PRPS2: variants seen among roughly 807,000 people sequenced by gnomAD.
PRPS2 encodes phosphoribosyl pyrophosphate synthetase 2.
For missense variants in PRPS2, 104 were observed against 271.5 expected (o/e 0.38, Z 4.34); for synonymous variants, 111 against 115.3 (o/e 0.96, Z 0.24).
intron 2 of PRPS2, among the ~76,000 whole-genome samples, chrX:12,802,432 C>T (rs1038164553): frequency 8.9e-6 from 1 of 112,085 alleles, no homozygotes; most frequent in Non-Finnish European, 1.9e-5. Context: ...CAACCTCTGC[C>T]TCCCAGGTTT....
At chrX:12,802,417 C>G (rs1332633726) in intron 2 of PRPS2, among the ~76,000 whole-genome samples, 2 of 112,089 alleles carry the variant, frequency 1.8e-5, no homozygotes, top group Non-Finnish European at 3.8e-5. Flanking sequence ...CGTCTCAGCT[C>G]ACTGCAACCT....
rs5978578 is a variant in PRPS2, at chrX:12,793,184, G to A, written c.122+1565G>A. ...GAATAGTTTTTGTTCAGAAGGTGTC[G>A]TCATATAAGTAAAGGAGAAATTTGT... is the stretch of plus-strand genomic sequence containing the variant. On this transcript the variant is annotated intron_variant, in intron 1 of 6. Coordinates refer to ENST00000380668, the MANE Select transcript of PRPS2 (RefSeq NM_002765.5). Among the ~76,000 whole-genome samples, 1,015 of 112,499 alleles carry A rather than the reference G, an allele frequency of 9.0e-3. 9 individuals carry two copies. The highest frequency in any genetic ancestry group is 0.031 in the African/African-American group (966 of 30,981).
chrX:12,803,732 G>A (rs2042580714), intron 2 of PRPS2, among the ~76,000 whole-genome samples: 1 of 112,378 alleles, frequency 8.9e-6, no homozygotes, highest in African/African-American at 3.2e-5. Context: ...CAGGTTCCAA[G>A]GATTGGGCTC....
chrX:12,822,566 G>A, intron 6 of PRPS2, 138 bp from the exon 7 acceptor site: 1 of 567,561 alleles, frequency 1.8e-6, no homozygotes, highest in Non-Finnish European at 3.0e-6. Context: ...CCTCTCAAAA[G>A]TGTCGGAAGT....
intron 1 of PRPS2, among the ~76,000 whole-genome samples, chrX:12,794,964 C>T (rs541426553): frequency 1.5e-4 from 17 of 111,976 alleles, no homozygotes; most frequent in African/African-American, 5.5e-4. Context: ...CTGTAAGTTA[C>T]GGTAATGTCT....
At chrX:12,819,366 G>A (rs958414548) in intron 4 of PRPS2, 141 bp from the exon 5 acceptor site, 3 of 672,676 alleles carry the variant, frequency 4.5e-6, no homozygotes, top group Admixed American at 3.4e-5. Flanking sequence ...GCCTGCCCCA[G>A]ACCATGCCTG....
At chrX:12,816,355 G>A (rs915019219) in intron 4 of PRPS2, among the ~76,000 whole-genome samples, 3 of 111,303 alleles carry the variant, frequency 2.7e-5, no homozygotes, top group Non-Finnish European at 5.7e-5. Flanking sequence ...AGGCTGGAGT[G>A]TAGTGGCGCG....
At chrX:12,801,945 A>G (rs2042572670) in intron 2 of PRPS2, among the ~76,000 whole-genome samples, 1 of 112,197 alleles carries the variant, frequency 8.9e-6, no homozygotes. Context: ...TTCACTCACA[A>G]TAGATTTTAT....
chrX:12,809,711 T>C (rs2042613362), intron 3 of PRPS2, among the ~76,000 whole-genome samples: 1 of 112,455 alleles, frequency 8.9e-6, no homozygotes, highest in African/African-American at 3.2e-5. Flanking sequence ...ATTTGATTTA[T>C]AATAACTACT....
chrX:12,821,706 A>G (rs1467710296), intron 6 of PRPS2, among the ~76,000 whole-genome samples: 1 of 112,300 alleles, frequency 8.9e-6, no homozygotes, highest in Non-Finnish European at 1.9e-5. Context: ...AGATAGATAC[A>G]TACACACTCA....
At position 12,806,068 on chromosome X, in the gene PRPS2, A is replaced by G. The variant is rs1175847024; in HGVS notation, c.307-3166A>G. Among the ~76,000 whole-genome samples the G allele has an allele frequency of 1.5e-3, 155 of 102,058 alleles. 1 individual carries two copies. The highest frequency in any genetic ancestry group is 5.1e-3 in the Middle Eastern group (1 of 198). 88.6% of individuals were successfully genotyped at this position (102,058 alleles called of 115,157 possible). A position where few individuals can be genotyped will look rare whatever the true frequency, so the allele number is the denominator to read the frequency against. ...ACTCCAGCCTGGGTGACAGAGCGGG[A>G]CTCCGTCTCAAAAGGAAAAAAAAAA... On this transcript the variant is annotated intron_variant, in intron 2 of 6. Transcript: ENST00000380668.
At chrX:12,818,984 T>C (rs1176467957) in intron 4 of PRPS2, among the ~76,000 whole-genome samples, 2 of 111,672 alleles carry the variant, frequency 1.8e-5, no homozygotes, top group Non-Finnish European at 3.8e-5. Flanking sequence ...CACGATGCCA[T>C]GCCTGGCACC....
intron 2 of PRPS2, among the ~76,000 whole-genome samples, chrX:12,807,906 C>T (rs1319437524): frequency 1.1e-5 from 1 of 90,480 alleles, no homozygotes; most frequent in Admixed American, 1.4e-4. Flanking sequence ...CTCGCTCTGT[C>T]GCCCAGGCTG....
chrX:12,822,213 G>A (rs890777013), intron 6 of PRPS2, among the ~76,000 whole-genome samples: 5 of 111,542 alleles, frequency 4.5e-5, no homozygotes, highest in African/African-American at 1.6e-4. Flanking sequence ...CTGCTTTCAC[G>A]CTACAATGGG....
intron 2 of PRPS2, among the ~76,000 whole-genome samples, chrX:12,809,009 T>C (rs182589348): frequency 8.9e-6 from 1 of 112,653 alleles, no homozygotes; most frequent in African/African-American, 3.2e-5. Flanking sequence ...ATTTGTTCTC[T>C]ATACCCAGCG....
At chrX:12,809,427 A>G in intron 3 of PRPS2, 95 bp downstream of exon 3, 1 of 866,702 alleles carries the variant, frequency 1.2e-6, no homozygotes, top group East Asian at 3.3e-5. Flanking sequence ...ATATATGGCT[A>G]CTCTCTTGGA....
intron 6 of PRPS2, among the ~76,000 whole-genome samples, chrX:12,821,219 G>A (rs773633519): frequency 8.9e-6 from 1 of 111,844 alleles, no homozygotes; most frequent in African/African-American, 3.2e-5. Flanking sequence ...GGCCATCAAC[G>A]GACAAACAGA....
At position 12,799,354 on chromosome X, in the gene PRPS2, G is replaced by A. The variant is rs201708640; in HGVS notation, c.270G>A (p.Pro90=). Residue 90 remains proline, a synonymous_variant, in exon 2 of 7, where the codon CCG becomes CCA. Coordinates refer to ENST00000380668, the MANE Select transcript of PRPS2 (RefSeq NM_002765.5). ...CATCCAGAGTAACTGCCGTGATCCCGTGTTTCCCATACGCCCGACAAGATA... is the reference window on the plus strand; with the variant it reads ...CATCCAGAGTAACTGCCGTGATCCCATGTTTCCCATACGCCCGACAAGATA... ...ASSSRVTAVI[P]CFPYARQDKK... 13 of 1,209,468 alleles carry A rather than the reference G, an allele frequency of 1.1e-5. No individual in the cohort carries two copies. The Admixed American group carries it at 1.8e-4, about 16-fold the overall frequency.
chrX:12,820,500 C>T, intron 5 of PRPS2, 144 bp from the exon 6 acceptor site: 1 of 573,601 alleles, frequency 1.7e-6, no homozygotes, highest in Non-Finnish European at 2.6e-6. Flanking sequence ...CTTGAGTGAT[C>T]CTATCTTAGG....
Sources: allele counts gnomAD v4.1 joint callset (sites outside exome capture counted in the v4.1 genomes callset), GRCh38; gene constraint gnomAD v4.1.1; transcripts MANE v1.5; gene names NCBI Gene and HGNC (gene_info 2026-07-23, HGNC 2026-07-21).